NFE2L2: variants seen among roughly 807,000 people sequenced by gnomAD.
NFE2L2 encodes NFE2 like bZIP transcription factor 2.
A neutral mutation model predicts 49.6 loss-of-function variants in NFE2L2; 20 were observed. The ratio of observed to expected loss-of-function variants is 0.40; its 90% CI spans 0.28 to 0.59. The LOEUF (loss-of-function observed/expected upper bound fraction) is 0.59, where lower values mean the gene tolerates loss of function less well. NFE2L2 is among the 20% of genes least tolerant of loss of function. The probability of loss-of-function intolerance (pLI) is 0.40; values close to 1 mark genes in which losing one functional copy is unlikely to be tolerated. For missense variants in NFE2L2, 578 were observed against 714.2 expected, an observed-to-expected ratio of 0.81 and a Z score of 2.17; for synonymous variants, 244 against 256.5, an observed-to-expected ratio of 0.95 and a Z score of 0.47.
chr2:177,233,894 A>C, intron 2 of NFE2L2, 111 bp downstream of exon 2: 1 of 1,410,440 alleles, frequency 7.1e-7, no homozygotes, highest in South Asian at 1.4e-5. Flanking sequence ...AGATTTGACA[A>C]GGTTAAGTAA....
At chr2:177,257,355 G>A (rs1690561633) in intron 1 of NFE2L2, among the ~76,000 whole-genome samples, 1 of 152,142 alleles carries the variant, frequency 6.6e-6, no homozygotes, top group Admixed American at 6.5e-5. Flanking sequence ...AAAACACAGA[G>A]CAATCCTGCT....
intron 1 of NFE2L2, among the ~76,000 whole-genome samples, chr2:177,243,997 TAAA>T (rs1207694039): frequency 7.1e-6 from 1 of 140,914 alleles, no homozygotes; most frequent in East Asian, 2.0e-4. Context: ...CACTTAGCTT[TAAA>T]AAAAAAAAAA....
chr2:177,247,360 AG>A (rs1005611868), intron 1 of NFE2L2, among the ~76,000 whole-genome samples: 1 of 152,140 alleles, frequency 6.6e-6, no homozygotes, highest in African/African-American at 2.4e-5. Context: ...AATAAAATTG[AG>A]GCCAAAGAAA....
chr2:177,251,829 CT>C (rs1690350493), intron 1 of NFE2L2, among the ~76,000 whole-genome samples: 2 of 151,562 alleles, frequency 1.3e-5, no homozygotes, highest in South Asian at 4.2e-4. Context: ...CACGGTGAAA[CT>C]CCGTCTCTAC....
intron 1 of NFE2L2, among the ~76,000 whole-genome samples, chr2:177,239,534 G>A (rs879381618): frequency 2.6e-5 from 4 of 152,032 alleles, no homozygotes; most frequent in African/African-American, 7.2e-5. Context: ...AAAATTAGCC[G>A]GGCGTGGTGG....
At position 177,230,647 on chromosome 2, in the gene NFE2L2, G is replaced by GT; in HGVS notation, c.*137dup. The GT allele has an allele frequency of 1.0e-6, 1 of 966,456 alleles. No homozygotes were observed. The highest frequency in any genetic ancestry group is 1.4e-6 in the Non-Finnish European group (1 of 693,416). The allele number at this position is 966,456 out of a possible 1,614,324, so 59.9% of individuals were successfully genotyped here. A position where few individuals can be genotyped will look rare whatever the true frequency, so the allele number is the denominator to read the frequency against. ...ACACTCCAATGCTTTTTAAAGTTTCGTATTATTTTCTATACTAGTTTTGGC... is the reference window on the plus strand; with the variant it reads ...ACACTCCAATGCTTTTTAAAGTTTCGTTATTATTTTCTATACTAGTTTTGGC... On this transcript the variant is annotated 3_prime_UTR_variant, in exon 5 of 5. Transcript: ENST00000397062.
rs1689555528 is a variant in NFE2L2, at chr2:177,231,659, C to T, written c.944G>A (p.Gly315Glu). 3 of 1,614,034 alleles carry T rather than the reference C, an allele frequency of 1.9e-6. No individual in the cohort carries two copies. The highest frequency in any genetic ancestry group is 2.5e-6 in the Non-Finnish European group (3 of 1,179,998). ...LSHSLSELLNGPIDVSDLSLC... is the reference protein window; with the variant it reads ...LSHSLSELLNEPIDVSDLSLC... ...TGATAGATCAGAAACATCAATGGGC[C>T]CATTTAGAAGTTCAGAGAGTGAATG... The change falls in exon 5 of 5, where the codon GGG (glycine) becomes GAG (glutamate). Residue 315 changes from glycine to glutamate, a missense_variant. Transcript: ENST00000397062.
Position 177,231,262 on chromosome 2 carries a change from T to G in NFE2L2, c.1341A>C (p.Ser447=). ...TTGTGAGATGAGCCTCCAAGCGGCT[T>G]GAATGTTTGTCTTTTGTGAATGGGG... The part of the protein sequence containing the change: ...RKTPFTKDKH[S]SRLEAHLTRD... The change falls in exon 5 of 5, where the codon TCA becomes TCC. Residue 447 remains serine (S), a synonymous_variant. Coordinates refer to ENST00000397062, the MANE Select transcript of NFE2L2 (RefSeq NM_006164.5). 1 of 1,614,224 alleles carries G rather than the reference T, an allele frequency of 6.2e-7. No homozygotes were observed. The highest frequency in any genetic ancestry group is 8.5e-7 in the Non-Finnish European group (1 of 1,180,040).
chr2:177,247,696 A>G (rs941615138), intron 1 of NFE2L2, among the ~76,000 whole-genome samples: 31 of 151,938 alleles, frequency 2.0e-4, no homozygotes, highest in Admixed American at 4.6e-4. Context: ...AAAAAAAAAA[A>G]AAAAAAGAAA....
chr2:177,232,362 A>T (rs75782703), intron 4 of NFE2L2, 30 bp downstream of exon 4: 1 of 1,576,262 alleles, frequency 6.3e-7, no homozygotes. Context: ...TATAAAAAAA[A>T]TCTCCAGTAT....
At chr2:177,252,988 C>T (rs1574278584) in intron 1 of NFE2L2, among the ~76,000 whole-genome samples, 2 of 152,182 alleles carry the variant, frequency 1.3e-5, no homozygotes, top group African/African-American at 4.8e-5. Flanking sequence ...TTCCAGATGC[C>T]CTGTACAAAC....
At chr2:177,232,166 C>T (rs972067865) in intron 4 of NFE2L2, 158 bp from the exon 5 acceptor site, 23 of 921,118 alleles carry the variant, frequency 2.5e-5, no homozygotes, top group Middle Eastern at 3.4e-4. Flanking sequence ...TACATATTTA[C>T]GCCTAAGCGT....
chr2:177,232,555 A>G lies in NFE2L2; in HGVS notation c.431T>C (p.Val144Ala), dbSNP rs374971431. 120 of 1,613,960 alleles carry G rather than the reference A, an allele frequency of 7.4e-5. No homozygotes were observed. Among genetic ancestry groups the G allele is most frequent in the Non-Finnish European group, 9.9e-5 (117 of 1,179,950 alleles). ...EVSSATFQSL[V>A]PDIPGHIESP... ...CTCGATGTGACCGGGAATATCAGGAACAAGTGACTGAAACGTAGCCGAAGA... is the reference window on the plus strand; with the variant it reads ...CTCGATGTGACCGGGAATATCAGGAGCAAGTGACTGAAACGTAGCCGAAGA... Residue 144 changes from valine (V) to alanine (A), a missense_variant, in exon 4 of 5, where the codon GTT (valine) becomes GCT (alanine). This residue lies in a region of NFE2L2 where 368 missense variants were observed against 384.6 expected (regional missense o/e 0.96). Transcript: ENST00000397062.
rs142680183 is a variant in NFE2L2 at position 177,239,366 on chromosome 2, C to G, written c.46-5095G>C. Among the ~76,000 whole-genome samples the G allele has an allele frequency of 4.9e-3, 752 of 152,186 alleles. 6 individuals carry two copies. The highest frequency in any genetic ancestry group is 0.017 in the African/African-American group (725 of 41,538). ...GTTTCAAAGTGTTCTGAAAGGTTTTCCTGTGTATTTTTAAGTTTATATTTA... is the reference window on the plus strand; with the variant it reads ...GTTTCAAAGTGTTCTGAAAGGTTTTGCTGTGTATTTTTAAGTTTATATTTA... On this transcript the variant is annotated intron_variant, in intron 1 of 4. Coordinates refer to ENST00000397062, the MANE Select transcript of NFE2L2 (RefSeq NM_006164.5).
chr2:177,239,208 C>G (rs1263211088), intron 1 of NFE2L2, among the ~76,000 whole-genome samples: 1 of 152,130 alleles, frequency 6.6e-6, no homozygotes, highest in Non-Finnish European at 1.5e-5. Context: ...TGAAACAATG[C>G]TGGACCCTGG....
In NFE2L2 at chr2:177,234,086, A is replaced by G. The variant is rs1233832365; in HGVS notation, c.231T>C (p.Asp77=). The change falls in exon 2 of 5, where the codon GAT becomes GAC. Residue 77 remains aspartate, a synonymous_variant. Transcript: ENST00000397062. ...EKAFFAQLQL[D]EETGEFLPIQ... ...TTGGGAGAAATTCACCTGTCTCTTCATCTAGTTGTAACTGAGCGAAAAAGG... is the reference window on the plus strand; with the variant it reads ...TTGGGAGAAATTCACCTGTCTCTTCGTCTAGTTGTAACTGAGCGAAAAAGG... 3.1e-6 allele frequency: 5 copies of G among 1,614,164 alleles called. No homozygotes were observed. The South Asian group carries it at 4.4e-5, about 14-fold the overall frequency.
chr2:177,233,140 T>C (rs751901066), intron 3 of NFE2L2, 110 bp downstream of exon 3: 2 of 932,256 alleles, frequency 2.1e-6, no homozygotes, highest in South Asian at 1.7e-5. Flanking sequence ...CTCCTAAAAA[T>C]GTTTTTATTC....
chr2:177,262,910 T>C (rs1176762704), intron 1 of NFE2L2, among the ~76,000 whole-genome samples: 1 of 152,116 alleles, frequency 6.6e-6, no homozygotes, highest in Non-Finnish European at 1.5e-5. Flanking sequence ...AAGAATACAA[T>C]CCCAATGAAG....
chr2:177,230,682 G>T lies in NFE2L2; in HGVS notation c.*103C>A. The T allele has an allele frequency of 7.7e-7, 1 of 1,302,422 alleles. No homozygotes were observed. Among genetic ancestry groups the T allele is most frequent in the Non-Finnish European group, 1.0e-6 (1 of 974,262 alleles). 80.7% of individuals were successfully genotyped at this position (1,302,422 alleles called of 1,614,324 possible). ...CTATACTAGTTTTGGCTATGATTTT[G>T]CATAGAATTACTTATAAAGTATGAG... On this transcript the variant is annotated 3_prime_UTR_variant, in exon 5 of 5. Transcript: ENST00000397062.
Sources: allele counts gnomAD v4.1 joint callset (sites outside exome capture counted in the v4.1 genomes callset), GRCh38; gene constraint gnomAD v4.1.1; regional missense constraint gnomAD v4.1.1; transcripts MANE v1.5; gene names NCBI Gene and HGNC (gene_info 2026-07-23, HGNC 2026-07-21).